The following METAP1D variants were observed in gnomAD, a reference collection of about 807,000 sequenced individuals.
METAP1D encodes methionine aminopeptidase 1D, mitochondrial.
Under a neutral mutation model 40.5 loss-of-function variants are expected in METAP1D, and 31 were observed. The observed-to-expected ratio is 0.77, with a 90% CI of 0.58 to 1.03. METAP1D has a LOEUF of 1.03. Among genes scored for constraint, METAP1D ranks in the 50% least tolerant of loss-of-function variants. The pLI is 0.00. For missense variants in METAP1D, 411 were observed against 420.7 expected (o/e 0.98, Z 0.20); for synonymous variants, 151 against 146.4 (o/e 1.03, Z -0.22).
intron 1 of METAP1D, among the ~76,000 whole-genome samples, chr2:172,023,857 C>CTTTT (rs11355201): frequency 7.2e-5 from 10 of 139,160 alleles, no homozygotes; most frequent in Non-Finnish European, 1.1e-4. Context: ...CTGTAAAATT[C>CTTTT]TTTTTTTTTT....
At chr2:172,017,919 G>T (rs1037411834) in intron 1 of METAP1D, among the ~76,000 whole-genome samples, 4 of 151,958 alleles carry the variant, frequency 2.6e-5, no homozygotes, top group African/African-American at 9.7e-5. Context: ...ACGATATCAG[G>T]AGTTTGAGAC....
At chr2:172,012,940 T>G (rs1688764025) in intron 1 of METAP1D, among the ~76,000 whole-genome samples, 1 of 152,230 alleles carries the variant, frequency 6.6e-6, no homozygotes, top group Non-Finnish European at 1.5e-5. Flanking sequence ...AGTCTCATGT[T>G]CGGTATGTGT....
intron 1 of METAP1D, among the ~76,000 whole-genome samples, chr2:172,012,794 C>T (rs1199949275): frequency 1.3e-5 from 2 of 152,096 alleles, no homozygotes; most frequent in Non-Finnish European, 2.9e-5. Context: ...TGATGACTTC[C>T]TGCATGCATA....
intron 1 of METAP1D, among the ~76,000 whole-genome samples, chr2:172,029,675 C>T (rs930223081): frequency 3.9e-5 from 6 of 152,094 alleles, no homozygotes; most frequent in Admixed American, 3.3e-4. Context: ...AACTATAGCC[C>T]ACAAAAATAA....
Position 172,081,690 on chromosome 2 carries a change from C to G in METAP1D, c.*1284C>G, listed in dbSNP as rs576643808. ...TAGGAACAAGTCCAACGAGGGTGTT[C>G]AAGCAGTTAATGGTTGTGCTAACTC... On this transcript the variant is annotated 3_prime_UTR_variant, in exon 10 of 10. Coordinates refer to ENST00000315796, the MANE Select transcript of METAP1D (RefSeq NM_199227.3). The G allele has an allele frequency of 6.6e-6, 1 of 152,390 alleles. No individual in the cohort carries two copies. The highest frequency in any genetic ancestry group is 1.9e-4 in the East Asian group (1 of 5,192). 9.4% of individuals were successfully genotyped at this position (152,390 alleles called of 1,614,324 possible).
chr2:172,068,699 A>T (rs1344027646), intron 5 of METAP1D, among the ~76,000 whole-genome samples: 1 of 151,826 alleles, frequency 6.6e-6, no homozygotes, highest in Non-Finnish European at 1.5e-5. Context: ...TTTTAAGTAG[A>T]GGCTGGGTTT....
chr2:172,008,615 T>C (rs1215166644), intron 1 of METAP1D, among the ~76,000 whole-genome samples: 1 of 152,118 alleles, frequency 6.6e-6, no homozygotes, highest in Non-Finnish European at 1.5e-5. Flanking sequence ...TTAGGCAGAG[T>C]ATGAAATTAA....
At chr2:172,065,970 T>C (rs1393342578) in intron 4 of METAP1D, among the ~76,000 whole-genome samples, 1 of 152,190 alleles carries the variant, frequency 6.6e-6, no homozygotes, top group Non-Finnish European at 1.5e-5. Context: ...TAAATGGGGG[T>C]TGTGCATTAC....
Position 172,041,826 on chromosome 2 carries a change from A to T in METAP1D, c.41-19672A>T, listed in dbSNP as rs141532184. On this transcript the variant is annotated intron_variant, in intron 1 of 9. Coordinates refer to ENST00000315796, the MANE Select transcript of METAP1D (RefSeq NM_199227.3). The stretch of plus-strand genomic sequence containing the variant: ...ATAGTTTTTTTTTTTTTTAAGATGG[A>T]GTCTTACTCTGTTTCCCAGGCTGGA... Among the ~76,000 whole-genome samples, 12 of 89,604 alleles carry T rather than the reference A, an allele frequency of 1.3e-4. 2 individuals carry two copies. The highest frequency in any genetic ancestry group is 2.0e-4 in the Non-Finnish European group (8 of 39,186). The allele number at this position is 89,604 out of a possible 152,430, so 58.8% of individuals were successfully genotyped here.
At chr2:172,008,716 G>A (rs986305831) in intron 1 of METAP1D, among the ~76,000 whole-genome samples, 14 of 151,662 alleles carry the variant, frequency 9.2e-5, no homozygotes, top group African/African-American at 3.2e-4. Context: ...CTTTTTCACT[G>A]TGCTCACCCC....
intron 1 of METAP1D, among the ~76,000 whole-genome samples, chr2:172,046,368 A>G (rs138950731): frequency 3.1e-4 from 47 of 152,306 alleles, no homozygotes; most frequent in African/African-American, 9.6e-4. Context: ...TCATCTACAT[A>G]ATGAAATACA....
intron 1 of METAP1D, among the ~76,000 whole-genome samples, chr2:172,016,302 T>A (rs1464268527): frequency 0.25 from 7,434 of 29,550 alleles, 565 homozygotes; most frequent in Non-Finnish European, 0.28. Context: ...AAAAAAAAAA[T>A]ATATATATAT....
rs995259745 is a variant in METAP1D, at chr2:172,082,071, A to C, written c.*1665A>C. ...GAGGGGTTGATGATTTACAAGGTCC[A>C]TAGAAAAACTTTTTGTGTGGTCGGA... On this transcript the variant is annotated 3_prime_UTR_variant, in exon 10 of 10. Transcript: ENST00000315796. The C allele has an allele frequency of 5.9e-5, 9 of 152,324 alleles. No individual in the cohort carries two copies. Among genetic ancestry groups the C allele is most frequent in the African/African-American group, 2.2e-4 (9 of 41,424 alleles). The allele number at this position is 152,324 out of a possible 1,614,324, so 9.4% of individuals were successfully genotyped here. A position where few individuals can be genotyped will look rare whatever the true frequency, so the allele number is the denominator to read the frequency against.
chr2:172,041,046 G>A (rs1016205643), intron 1 of METAP1D, among the ~76,000 whole-genome samples: 1 of 151,224 alleles, frequency 6.6e-6, no homozygotes, highest in Non-Finnish European at 1.5e-5. Context: ...GATTACAGGC[G>A]TGAGCCACCA....
At chr2:172,008,465 A>G (rs1049014693) in intron 1 of METAP1D, among the ~76,000 whole-genome samples, 2 of 152,318 alleles carry the variant, frequency 1.3e-5, no homozygotes, top group South Asian at 2.1e-4. Context: ...AAAATACCAT[A>G]GTCCCCCGCT....
intron 1 of METAP1D, among the ~76,000 whole-genome samples, chr2:172,036,957 A>AGTGT (rs1689407266): frequency 6.6e-6 from 1 of 152,150 alleles, no homozygotes; most frequent in Non-Finnish European, 1.5e-5. Flanking sequence ...TGTACTTGTA[A>AGTGT]TGTTAAAGTC....
chr2:172,070,878 C>A, intron 5 of METAP1D, 29 bp from the exon 6 acceptor site: 1 of 1,551,018 alleles, frequency 6.4e-7, no homozygotes, highest in Non-Finnish European at 8.7e-7. Flanking sequence ...TAAACAAGGA[C>A]ATATTTTTAA....
At chr2:172,036,442 T>C (rs1689387820) in intron 1 of METAP1D, among the ~76,000 whole-genome samples, 1 of 150,024 alleles carries the variant, frequency 6.7e-6, no homozygotes, top group African/African-American at 2.4e-5. Context: ...CTTGGCTCAA[T>C]GCAAGCTCCG....
intron 1 of METAP1D, among the ~76,000 whole-genome samples, chr2:172,046,232 T>G (rs995459428): frequency 6.6e-6 from 1 of 152,030 alleles, no homozygotes; most frequent in African/African-American, 2.4e-5. Context: ...AAGTGTCATT[T>G]GTGTGAATAG....
Sources: gnomAD v4.1 joint callset for allele counts (sites outside exome capture counted in the v4.1 genomes callset) on GRCh38, gnomAD v4.1.1 for gene constraint, MANE v1.5 for transcripts, NCBI Gene and HGNC (gene_info 2026-07-23, HGNC 2026-07-21) for gene names.